Variants in SLC26A3 observed in about 807,000 individuals in gnomAD.
SLC26A3 encodes chloride anion exchanger.
Under a neutral mutation model 85.6 loss-of-function variants are expected in SLC26A3, and 64 were observed. That is an observed-to-expected ratio of 0.75 (90% CI 0.61 to 0.92). The LOEUF (loss-of-function observed/expected upper bound fraction) is 0.92, where lower values mean the gene tolerates loss of function less well. Ranked by LOEUF, SLC26A3 falls within the 40% of genes least tolerant of loss-of-function variation. The probability of loss-of-function intolerance (pLI) is 0.00; values close to 1 mark genes in which losing one functional copy is unlikely to be tolerated. For missense variants in SLC26A3, 922 were observed against 927.3 expected (o/e 0.99, Z 0.07); for synonymous variants, 349 against 336.0 (o/e 1.04, Z -0.42).
chr7:107,788,784 C>CT (rs71861759), intron 6 of SLC26A3, among the ~76,000 whole-genome samples: 2,870 of 108,008 alleles, frequency 0.027, 156 homozygotes, highest in African/African-American at 0.087. Context: ...TTTTTCTTTT[C>CT]TTTTTTTTTT....
At chr7:107,766,461 G>A (rs1454270878) in intron 20 of SLC26A3, among the ~76,000 whole-genome samples, 4 of 152,078 alleles carry the variant, frequency 2.6e-5, no homozygotes, top group African/African-American at 9.7e-5. Context: ...GTTTTATTGG[G>A]TTTCTCTGGA....
At chr7:107,787,291 T>C in intron 7 of SLC26A3, 66 bp downstream of exon 7, 1 of 1,560,736 alleles carries the variant, frequency 6.4e-7, no homozygotes, top group Non-Finnish European at 8.8e-7. Flanking sequence ...GAGCTACAAA[T>C]GGTGAAGGAC....
At chr7:107,773,109 AC>A (rs917439367) in intron 17 of SLC26A3, among the ~76,000 whole-genome samples, 1 of 152,234 alleles carries the variant, frequency 6.6e-6, no homozygotes, top group Non-Finnish European at 1.5e-5. Context: ...AAGAAAACAC[AC>A]TGCAATCTGA....
At chr7:107,799,948 C>T (rs1272067690) in intron 1 of SLC26A3, among the ~76,000 whole-genome samples, 2 of 152,192 alleles carry the variant, frequency 1.3e-5, no homozygotes, top group African/African-American at 4.8e-5. Context: ...TTAGAAGTAG[C>T]AGTTTTCCAT....
At chr7:107,767,973 G>T in intron 18 of SLC26A3, 65 bp from the exon 19 acceptor site, 1 of 1,495,084 alleles carries the variant, frequency 6.7e-7, no homozygotes, top group Non-Finnish European at 9.3e-7. Flanking sequence ...TTCCCCTTGA[G>T]GCTAGTAATT....
chr7:107,801,973 T>A (rs983325921), intron 1 of SLC26A3, among the ~76,000 whole-genome samples: 7 of 148,768 alleles, frequency 4.7e-5, no homozygotes, highest in African/African-American at 1.7e-4. Context: ...GTGCCTGTAG[T>A]ATCAGCTACT....
intron 8 of SLC26A3, among the ~76,000 whole-genome samples, chr7:107,783,630 T>C (rs1229132564): frequency 6.6e-6 from 1 of 152,234 alleles, no homozygotes; most frequent in Non-Finnish European, 1.5e-5. Context: ...AATGTGCGTG[T>C]GTATTCTTAT....
intron 11 of SLC26A3, among the ~76,000 whole-genome samples, chr7:107,782,127 T>C (rs1244538052): frequency 6.6e-6 from 1 of 152,216 alleles, no homozygotes; most frequent in Non-Finnish European, 1.5e-5. Context: ...CAGGGCTCCA[T>C]GTACCACCTC....
In SLC26A3 at chr7:107,778,360, CTTTTTT is replaced by C. The variant is rs10681903; in HGVS notation, c.1408-85_1408-80del. ...GTCGAGACGGGGTCTTTTAAAAAGA[CTTTTTT>C]TTTTTTTTTTTGTAGCGACAGTGAG... is the stretch of plus-strand genomic sequence containing the variant. On this transcript the variant is annotated intron_variant, in intron 12 of 20. Coordinates refer to ENST00000340010, the MANE Select transcript of SLC26A3 (RefSeq NM_000111.3). 12 of 464,904 alleles carry C rather than the reference CTTTTTT, an allele frequency of 2.6e-5. 2 individuals carry two copies. The highest frequency in any genetic ancestry group is 1.0e-4 in the Admixed American group (3 of 29,600). The allele number at this position is 464,904 out of a possible 1,614,324, so 28.8% of individuals were successfully genotyped here. A position where few individuals can be genotyped will look rare whatever the true frequency, so the allele number is the denominator to read the frequency against.
chr7:107,776,317 G>C (rs1401502378), intron 15 of SLC26A3, 135 bp downstream of exon 15: 1 of 773,382 alleles, frequency 1.3e-6, no homozygotes, highest in African/African-American at 1.7e-5. Flanking sequence ...TGGGACGTGG[G>C]ACAAAAAATA....
In SLC26A3 at chr7:107,765,765, G is replaced by T. The variant is rs1055416477; in HGVS notation, c.*90C>A. On this transcript the variant is annotated 3_prime_UTR_variant, in exon 21 of 21. Coordinates refer to ENST00000340010, the MANE Select transcript of SLC26A3 (RefSeq NM_000111.3). ...ACATATTCTGTCAAAAATACTCTTCGTACAATGTATGAACTTATCAATAAC... is the reference window on the plus strand; with the variant it reads ...ACATATTCTGTCAAAAATACTCTTCTTACAATGTATGAACTTATCAATAAC... 2.1e-6 allele frequency: 2 copies of T among 961,248 alleles called. No individual in the cohort carries two copies. Among genetic ancestry groups the T allele is most frequent in the Non-Finnish European group, 3.4e-6 (2 of 594,978 alleles). 59.5% of individuals were successfully genotyped at this position (961,248 alleles called of 1,614,324 possible). A position where few individuals can be genotyped will look rare whatever the true frequency, so the allele number is the denominator to read the frequency against.
At chr7:107,767,744 A>G (rs371451245) in intron 19 of SLC26A3, 22 bp downstream of exon 19, 6 of 1,613,578 alleles carry the variant, frequency 3.7e-6, no homozygotes, top group African/African-American at 1.3e-5. Flanking sequence ...TGCAATTGTG[A>G]AAGTCACCAA....
Position 107,786,907 on chromosome 7 carries a change from G to A in SLC26A3, c.891C>T (p.Thr297=), listed in dbSNP as rs367700437. The change falls in exon 8 of 21, where the codon ACC becomes ACT. Residue 297 remains threonine, a splice_region_variant and synonymous_variant. Coordinates refer to ENST00000340010, the MANE Select transcript of SLC26A3 (RefSeq NM_000111.3). Reference sequence around the variant, plus strand: ...CGTAGGATACACCTGCTGCAATCACGGTCTGCAAAGTTGCAAATGGCCCAA... The same window carrying A: ...CGTAGGATACACCTGCTGCAATCACAGTCTGCAAAGTTGCAAATGGCCCAA... The part of the protein sequence containing the change: ...PVPIPIEFIM[T]VIAAGVSYGC... The A allele has an allele frequency of 2.1e-5, 34 of 1,613,636 alleles. No homozygotes were observed. In the African/African-American group the frequency reaches 2.9e-4, roughly 14 times the overall value.
intron 18 of SLC26A3, among the ~76,000 whole-genome samples, chr7:107,770,034 CTTT>C (rs1562874201): frequency 1.1e-5 from 1 of 92,834 alleles, no homozygotes; most frequent in Non-Finnish European, 2.2e-5. Context: ...TTCTTTCTTT[CTTT>C]CTTTCTTTCT....
At chr7:107,782,012 C>T (rs747883260) in intron 11 of SLC26A3, among the ~76,000 whole-genome samples, 1 of 151,836 alleles carries the variant, frequency 6.6e-6, no homozygotes, top group East Asian at 1.9e-4. Flanking sequence ...GTATTATTTC[C>T]CTTTCTATTT....
At position 107,787,500 on chromosome 7, in the gene SLC26A3, A is replaced by C. The variant is rs765863383; in HGVS notation, c.745T>G (p.Ser249Ala). ...GTCTTCTCTATTTGTGAGAATACAG[A>C]GTATAGTACCTACAATTATAAAAAC... ...DPVSIFKVLY[S>A]VFSQIEKTNI... The change falls in exon 7 of 21, where the codon TCT (serine) becomes GCT (alanine). Residue 249 changes from serine (S) to alanine (A), a missense_variant. Transcript: ENST00000340010. 9 of 1,613,328 alleles carry C rather than the reference A, an allele frequency of 5.6e-6. No individual in the cohort carries two copies. The highest frequency in any genetic ancestry group is 6.8e-6 in the Non-Finnish European group (8 of 1,179,666).
chr7:107,770,293 GT>G (rs1190913554), intron 18 of SLC26A3, among the ~76,000 whole-genome samples: 1 of 89,338 alleles, frequency 1.1e-5, no homozygotes, highest in Non-Finnish European at 2.3e-5. Flanking sequence ...GTCTTGCTCT[GT>G]CACCCAGGCT....
chr7:107,783,426 T>C, intron 8 of SLC26A3, 74 bp from the exon 9 acceptor site: 1 of 1,525,218 alleles, frequency 6.6e-7, no homozygotes. Context: ...GGCAAATCAA[T>C]GAATGAATGC....
chr7:107,765,751 C>A lies in SLC26A3; in HGVS notation c.*104G>T. 1 of 888,312 alleles carries A rather than the reference C, an allele frequency of 1.1e-6. No individual in the cohort carries two copies. The highest frequency in any genetic ancestry group is 1.4e-5 in the South Asian group (1 of 69,250). The allele number at this position is 888,312 out of a possible 1,614,324, so 55.0% of individuals were successfully genotyped here. ...TTCCAAAGTTTGAAACATATTCTGT[C>A]AAAAATACTCTTCGTACAATGTATG... On this transcript the variant is annotated 3_prime_UTR_variant, in exon 21 of 21. Transcript: ENST00000340010.
Sources: gnomAD v4.1 joint callset for allele counts (sites outside exome capture counted in the v4.1 genomes callset) on GRCh38, gnomAD v4.1.1 for gene constraint, MANE v1.5 for transcripts, NCBI Gene and HGNC (gene_info 2026-07-23, HGNC 2026-07-21) for gene names.